The following LPIN2 variants were observed in gnomAD, a reference collection of about 807,000 sequenced individuals.
LPIN2 encodes lipin 2.
Under a neutral mutation model 111.4 loss-of-function variants are expected in LPIN2, and 55 were observed. The ratio of observed to expected loss-of-function variants is 0.49; its 90% confidence interval spans 0.40 to 0.62. The LOEUF (loss-of-function observed/expected upper bound fraction) is 0.62. LPIN2 is among the 20% of genes least tolerant of loss of function. The pLI, the probability that LPIN2 is intolerant of heterozygous loss-of-function variation, is 0.00. For synonymous variants in LPIN2, 425 were observed against 414.0 expected (o/e 1.03, Z -0.32); for missense variants, 992 against 1,112.1 (o/e 0.89, Z 1.54).
At chr18:2,969,017 T>C (rs1402470496) in intron 1 of LPIN2, among the ~76,000 whole-genome samples, 2 of 152,078 alleles carry the variant, frequency 1.3e-5, no homozygotes, top group African/African-American at 2.4e-5. Flanking sequence ...CTTAGAGATA[T>C]GGAAATAAAA....
intron 4 of LPIN2, chr18:2,948,492 T>C (rs1236059574): frequency 1.3e-5 from 2 of 152,260 alleles, no homozygotes; most frequent in South Asian, 2.1e-4. Flanking sequence ...TTGGCATATG[T>C]TTTAGAAATT....
At position 2,958,002 on chromosome 18, in the gene LPIN2, C is replaced by A. The variant is rs368905138; in HGVS notation, c.192+2647G>T. ...ACTAAAAACACAAAAAGCAGCCAGG[C>A]GTGGTAGCACGCGCCTATAATCCCA... On this transcript the variant is annotated intron_variant, in intron 2 of 19. Transcript: ENST00000677752. 7.9e-5 allele frequency among the ~76,000 whole-genome samples: 12 copies of A among 151,302 alleles called. 1 individual carries two copies. The South Asian group carries it at 2.5e-3, about 32-fold the overall frequency.
chr18:3,007,237 T>C (rs1294290913), intron 1 of LPIN2, among the ~76,000 whole-genome samples: 1 of 152,178 alleles, frequency 6.6e-6, no homozygotes, highest in African/African-American at 2.4e-5. Context: ...AGTGGTGCTA[T>C]CTTGGCTCAC....
chr18:3,006,125 T>C (rs2078511751), intron 1 of LPIN2, among the ~76,000 whole-genome samples: 3 of 152,188 alleles, frequency 2.0e-5, no homozygotes, highest in African/African-American at 4.8e-5. Flanking sequence ...AGAGATACTT[T>C]ACGTAAAAAA....
At chr18:2,978,682 C>CA (rs1486619422) in intron 1 of LPIN2, among the ~76,000 whole-genome samples, 1 of 152,190 alleles carries the variant, frequency 6.6e-6, no homozygotes, top group Non-Finnish European at 1.5e-5. Context: ...CAAAACAAAA[C>CA]AGTTATTCTT....
intron 4 of LPIN2, chr18:2,946,214 G>C (rs1279802364): frequency 6.2e-7 from 1 of 1,602,034 alleles, no homozygotes; most frequent in East Asian, 2.2e-5. Context: ...ATCTGGGCTT[G>C]GTCTTTTTAT....
intron 16 of LPIN2, among the ~76,000 whole-genome samples, chr18:2,922,807 T>C (rs1478130743): frequency 4.6e-5 from 7 of 152,220 alleles, no homozygotes; most frequent in Non-Finnish European, 8.8e-5. Flanking sequence ...AGAAAAAACC[T>C]TGGACTATCT....
chr18:2,921,478 G>GGC, intron 18 of LPIN2, 55 bp downstream of exon 18: 1 of 1,336,812 alleles, frequency 7.5e-7, no homozygotes, highest in Non-Finnish European at 1.1e-6. Flanking sequence ...ACCCCACGAA[G>GGC]TACATCCCTC....
intron 1 of LPIN2, 115 bp downstream of exon 1, chr18:3,012,972 T>C (rs1217651122): frequency 1.3e-5 from 2 of 150,172 alleles, no homozygotes; most frequent in African/African-American, 4.9e-5. Context: ...CCCCGGAGGG[T>C]CCCGGCCTCC....
intron 9 of LPIN2, among the ~76,000 whole-genome samples, chr18:2,930,294 T>C (rs1168016014): frequency 6.6e-6 from 1 of 152,262 alleles, no homozygotes; most frequent in African/African-American, 2.4e-5. Flanking sequence ...TTTTTTAAAC[T>C]GAACATTTAA....
intron 4 of LPIN2, among the ~76,000 whole-genome samples, chr18:2,949,332 C>T (rs2077499898): frequency 6.6e-6 from 1 of 152,156 alleles, no homozygotes; most frequent in Non-Finnish European, 1.5e-5. Context: ...TATGATGAAA[C>T]TCTTCTCAGC....
At chr18:3,001,439 T>C (rs1313222424) in intron 1 of LPIN2, among the ~76,000 whole-genome samples, 1 of 151,978 alleles carries the variant, frequency 6.6e-6, no homozygotes, top group East Asian at 1.9e-4. Flanking sequence ...TAAAAATCAC[T>C]GCATATGCTC....
intron 1 of LPIN2, among the ~76,000 whole-genome samples, chr18:2,997,909 GT>G (rs2078370109): frequency 6.6e-6 from 1 of 152,184 alleles, no homozygotes; most frequent in South Asian, 2.1e-4. Flanking sequence ...CTTCCCTACT[GT>G]TTCCTTTGGA....
At chr18:2,946,475 T>C in intron 4 of LPIN2, 1 of 1,539,198 alleles carries the variant, frequency 6.5e-7, no homozygotes, top group African/African-American at 1.4e-5. Flanking sequence ...GCAAGCATCG[T>C]CGGAATTGGT....
At position 2,986,175 on chromosome 18, in the gene LPIN2, G is replaced by A. The variant is rs111843342; in HGVS notation, c.-9-25326C>T. Among the ~76,000 whole-genome samples the A allele has an allele frequency of 4.3e-3, 662 of 152,270 alleles. 5 individuals are homozygous for A. The highest frequency in any genetic ancestry group is 0.015 in the African/African-American group (639 of 41,566). ...TGAAAACAACCCCAAAGGGACTGAC[G>A]TTTTATTCAAAACCAAGATAAAATT... On this transcript the variant is annotated intron_variant, in intron 1 of 19. Coordinates refer to ENST00000677752, the MANE Select transcript of LPIN2 (RefSeq NM_001375808.2).
chr18:2,923,977 G>C (rs922399735), intron 15 of LPIN2, 116 bp from the exon 16 acceptor site: 13 of 843,528 alleles, frequency 1.5e-5, no homozygotes, highest in Non-Finnish European at 2.4e-5. Context: ...CTCTTGAAAG[G>C]GGATTTAATC....
intron 7 of LPIN2, among the ~76,000 whole-genome samples, chr18:2,936,385 G>A (rs935469960): frequency 1.3e-5 from 2 of 152,122 alleles, no homozygotes; most frequent in East Asian, 1.9e-4. Flanking sequence ...TAGTAAGGAT[G>A]TTCTGATTTA....
intron 1 of LPIN2, chr18:2,977,220 G>A (rs916355593): frequency 7.9e-5 from 12 of 151,768 alleles, no homozygotes; most frequent in Non-Finnish European, 1.5e-4. Flanking sequence ...ATAAACACCT[G>A]GGAAAGCTTC....
At chr18:2,962,764 A>G (rs1158844818) in intron 1 of LPIN2, among the ~76,000 whole-genome samples, 3 of 152,182 alleles carry the variant, frequency 2.0e-5, no homozygotes, top group South Asian at 2.1e-4. Flanking sequence ...CAAGCAGTCA[A>G]TCTTGGTATT....
Sources: gnomAD v4.1 joint callset for allele counts (sites outside exome capture counted in the v4.1 genomes callset) on GRCh38, gnomAD v4.1.1 for gene constraint, MANE v1.5 for transcripts, NCBI Gene and HGNC (gene_info 2026-07-23, HGNC 2026-07-21) for gene names.